The following ROBO2 variants were observed in gnomAD, a reference collection of about 807,000 sequenced individuals.
ROBO2 encodes roundabout guidance receptor 2, also known as roundabout homolog 2.
In ROBO2, 53 loss-of-function variants were observed where a neutral mutation model predicts 160.8. That is an observed-to-expected ratio of 0.33 (90% confidence interval 0.26 to 0.41). The LOEUF (loss-of-function observed/expected upper bound fraction) is 0.41, where lower values mean the gene tolerates loss of function less well. Among genes scored for constraint, ROBO2 ranks in the 10% least tolerant of loss-of-function variants. The probability of loss-of-function intolerance (pLI) is 1.00; values close to 1 mark genes in which losing one functional copy is unlikely to be tolerated. For missense variants in ROBO2, 1,577 were observed against 1,722.4 expected (o/e 0.92, Z 1.49); for synonymous variants, 664 against 611.7 (o/e 1.09, Z -1.26).
At chr3:76,363,358 G>C (rs1158638021) in intron 2 of ROBO2, among the ~76,000 whole-genome samples, 1 of 152,004 alleles carries the variant, frequency 6.6e-6, no homozygotes, top group South Asian at 2.1e-4. Context: ...TGAATGAATT[G>C]GCCTCATATA....
intron 2 of ROBO2, among the ~76,000 whole-genome samples, chr3:76,783,220 T>A (rs1489211403): frequency 1.3e-5 from 2 of 150,942 alleles, no homozygotes; most frequent in African/African-American, 2.4e-5. Flanking sequence ...ATATGGTGTA[T>A]GCATTAAGTA....
chr3:77,528,808 G>A (rs547450834), intron 6 of ROBO2, among the ~76,000 whole-genome samples: 1 of 151,722 alleles, frequency 6.6e-6, no homozygotes, highest in South Asian at 2.1e-4. Flanking sequence ...ACTGCAGGGT[G>A]TTTTTTGAAA....
In ROBO2 at chr3:77,192,675, A is replaced by G. The variant is rs1158317875; in HGVS notation, c.388+94335A>G. Reference sequence around the variant, plus strand: ...CTTTTTTTTTTTTTTTTTTTTTGAGACAGAGTCTCACCCAGGTTGGAGTGC... The same window carrying G: ...CTTTTTTTTTTTTTTTTTTTTTGAGGCAGAGTCTCACCCAGGTTGGAGTGC... On this transcript the variant is annotated intron_variant, in intron 2 of 25. Transcript: ENST00000461745. Among the ~76,000 whole-genome samples, 8 of 72,986 alleles carry G rather than the reference A, an allele frequency of 1.1e-4. No homozygotes were observed. In the Admixed American group the frequency reaches 1.2e-3, roughly 11 times the overall value. The allele number at this position is 72,986 out of a possible 152,430, so 47.9% of individuals were successfully genotyped here.
At chr3:76,784,501 C>T (rs570967668) in intron 2 of ROBO2, among the ~76,000 whole-genome samples, 1 of 151,216 alleles carries the variant, frequency 6.6e-6, no homozygotes, top group East Asian at 2.0e-4. Flanking sequence ...CAGAGTTAAG[C>T]TGGTTGCTGA....
chr3:77,562,421 T>C (rs1484358681), intron 9 of ROBO2, among the ~76,000 whole-genome samples: 2 of 152,034 alleles, frequency 1.3e-5, no homozygotes, highest in Admixed American at 1.3e-4. Context: ...CAAATTAACA[T>C]TGAGGTGCAT....
At chr3:77,377,972 T>C (rs996541972) in intron 2 of ROBO2, among the ~76,000 whole-genome samples, 2 of 152,202 alleles carry the variant, frequency 1.3e-5, no homozygotes, top group Non-Finnish European at 2.9e-5. Context: ...GTTCTGACTC[T>C]CTGGAGTTTC....
intron 2 of ROBO2, among the ~76,000 whole-genome samples, chr3:76,409,452 C>A (rs2075376706): frequency 1.3e-5 from 2 of 152,068 alleles, no homozygotes; most frequent in South Asian, 4.1e-4. Flanking sequence ...TCATAATCAG[C>A]CTTTTCCTTA....
At chr3:76,499,773 T>G (rs2107625431) in intron 2 of ROBO2, among the ~76,000 whole-genome samples, 1 of 152,248 alleles carries the variant, frequency 6.6e-6, no homozygotes, top group African/African-American at 2.4e-5. Context: ...GAGAAACAAC[T>G]TCCTAAAATC....
chr3:76,605,587 T>G (rs982865397), intron 2 of ROBO2, among the ~76,000 whole-genome samples: 2 of 152,086 alleles, frequency 1.3e-5, no homozygotes, highest in African/African-American at 4.8e-5. Flanking sequence ...CATAGGAAAG[T>G]TGGGTAGTCA....
intron 2 of ROBO2, among the ~76,000 whole-genome samples, chr3:76,719,388 GCAGTTGT>G (rs1441395125): frequency 1.3e-5 from 2 of 152,098 alleles, no homozygotes; most frequent in African/African-American, 4.8e-5. Flanking sequence ...AGGCTGGTGT[GCAGTTGT>G]CACAATCACA....
intron 2 of ROBO2, among the ~76,000 whole-genome samples, chr3:76,993,323 T>C (rs2060797294): frequency 6.6e-6 from 1 of 152,178 alleles, no homozygotes. Context: ...ACTCTTGTCT[T>C]GAAAAGTGAA....
At chr3:77,349,957 A>G (rs1418289486) in intron 2 of ROBO2, among the ~76,000 whole-genome samples, 1 of 152,096 alleles carries the variant, frequency 6.6e-6, no homozygotes, top group Non-Finnish European at 1.5e-5. Flanking sequence ...TTTCTTATTG[A>G]AAGTTAGTTG....
chr3:77,558,983 A>T (rs761686608), intron 9 of ROBO2, among the ~76,000 whole-genome samples: 3 of 152,004 alleles, frequency 2.0e-5, no homozygotes, highest in African/African-American at 7.2e-5. Flanking sequence ...TTGACACAGG[A>T]TGGATTTGCT....
chr3:77,397,473 C>T (rs1312931155), intron 2 of ROBO2, among the ~76,000 whole-genome samples: 1 of 152,134 alleles, frequency 6.6e-6, no homozygotes, highest in Non-Finnish European at 1.5e-5. Flanking sequence ...CTAGAAGGCT[C>T]TGTCTCTCTT....
exon 2 of ROBO2, chr3:77,098,014 G>C: frequency 6.4e-7 from 1 of 1,556,256 alleles, no homozygotes; most frequent in African/African-American, 1.4e-5. Context: ...TGTTTTGTAG[G>C]ATCGCGTCTT....
intron 2 of ROBO2, among the ~76,000 whole-genome samples, chr3:76,363,183 C>CTT (rs1283278908): frequency 6.6e-6 from 1 of 151,710 alleles, no homozygotes; most frequent in Non-Finnish European, 1.5e-5. Context: ...GTCTCACCTG[C>CTT]CAGCTAACAA....
At chr3:77,456,746 T>A (rs1269623749) in intron 2 of ROBO2, among the ~76,000 whole-genome samples, 1 of 152,186 alleles carries the variant, frequency 6.6e-6, no homozygotes, top group African/African-American at 2.4e-5. Context: ...CATCTCAACA[T>A]GGGATGGCTC....
At chr3:76,281,938 A>G (rs1266260196) in intron 2 of ROBO2, among the ~76,000 whole-genome samples, 1 of 152,038 alleles carries the variant, frequency 6.6e-6, no homozygotes, top group Non-Finnish European at 1.5e-5. Context: ...AATGCCAAGC[A>G]CCTAGAGGGT....
chr3:76,387,720 G>T (rs1180675591), intron 2 of ROBO2, among the ~76,000 whole-genome samples: 3 of 152,166 alleles, frequency 2.0e-5, no homozygotes, highest in Non-Finnish European at 4.4e-5. Context: ...TTTTGACTAG[G>T]TAAAGCCAGG....
Sources: gnomAD v4.1 joint callset for allele counts (sites outside exome capture counted in the v4.1 genomes callset) on GRCh38, gnomAD v4.1.1 for gene constraint, MANE v1.5 for transcripts, NCBI Gene and HGNC (gene_info 2026-07-23, HGNC 2026-07-21) for gene names.